LHX2: variants seen among roughly 807,000 people sequenced by gnomAD.
LHX2 encodes the protein LIM/homeobox protein Lhx2.
In LHX2, 6 loss-of-function variants were observed where a neutral mutation model predicts 33.0. That is an observed-to-expected ratio of 0.18 (90% CI 0.10 to 0.36). LHX2 has a LOEUF of 0.36. Among genes scored for constraint, LHX2 ranks in the 10% least tolerant of loss-of-function variants. The probability of loss-of-function intolerance (pLI) is 1.00; values close to 1 mark genes in which losing one functional copy is unlikely to be tolerated. For synonymous variants in LHX2, 292 were observed against 253.1 expected, an observed-to-expected ratio of 1.15 and a Z score of -1.46; for missense variants, 442 against 586.2, an observed-to-expected ratio of 0.75 and a Z score of 2.54.
chr9:124,032,303 T>C lies in LHX2; in HGVS notation c.934-117T>C. ...AATATTGCCAACCTGACTTTTTGGA[T>C]CCTCTTGGCAAAACACAGATCAGCG... On this transcript the variant is annotated intron_variant, in intron 4 of 4. Coordinates refer to ENST00000373615, the MANE Select transcript of LHX2 (RefSeq NM_004789.4). The surrounding 1 kb of genome is among the most constrained non-coding windows in gnomAD (Gnocchi z 4.1). The C allele has an allele frequency of 7.9e-7, 1 of 1,264,940 alleles. No individual in the cohort carries two copies. The highest frequency in any genetic ancestry group is 1.1e-6 in the Non-Finnish European group (1 of 941,760). 78.4% of individuals were successfully genotyped at this position (1,264,940 alleles called of 1,614,324 possible). A position where few individuals can be genotyped will look rare whatever the true frequency, so the allele number is the denominator to read the frequency against.
chr9:124,031,726 C>T lies in LHX2; in HGVS notation c.934-694C>T, dbSNP rs528630838. 3.3e-5 allele frequency: 5 copies of T among 151,586 alleles called. No homozygotes were observed. In the South Asian group the frequency reaches 1.1e-3, roughly 32 times the overall value. 9.4% of individuals were successfully genotyped at this position (151,586 alleles called of 1,614,324 possible). A position where few individuals can be genotyped will look rare whatever the true frequency, so the allele number is the denominator to read the frequency against. On this transcript the variant is annotated intron_variant, in intron 4 of 4. Transcript: ENST00000373615. ...AAAAATTATTGAGATATTCTACCTG[C>T]TTTTTTTTTCATATTCAGCCTTCAG...
intron 4 of LHX2, among the ~76,000 whole-genome samples, chr9:124,025,159 C>T (rs1322100742): frequency 6.6e-6 from 1 of 152,200 alleles, no homozygotes; most frequent in Non-Finnish European, 1.5e-5. Flanking sequence ...TAAGCCTTGG[C>T]CGGGCACTGT....
chr9:124,013,971 C>G lies in LHX2; in HGVS notation c.131C>G (p.Ser44Cys). The G allele has an allele frequency of 6.2e-7, 1 of 1,612,722 alleles. No individual in the cohort carries two copies. The highest frequency in any genetic ancestry group is 8.5e-7 in the Non-Finnish European group (1 of 1,179,812). ...DRGDTETTMP[S>C]ISSDRAALCA... ...TCCCTCCCTTCGCAGACCATGCCGT[C>G]CATCAGCAGTGACCGCGCCGCGCTG... Residue 44 changes from serine (S) to cysteine (C), a missense_variant, in exon 2 of 5, where the codon TCC becomes TGC. By Grantham distance (112) the Ser-to-Cys change is moderately radical (BLOSUM62 -1). This residue lies in a region of LHX2 where 97 missense variants were observed against 81.5 expected (regional missense o/e 1.19). Transcript: ENST00000373615.
rs1372315817 is a variant in LHX2 at position 124,015,384 on chromosome 9, G to A, written c.586G>A (p.Ala196Thr). Residue 196 changes from alanine to threonine, a missense_variant, in exon 3 of 5, where the codon GCC (alanine) becomes ACC (threonine). Coordinates refer to ENST00000373615, the MANE Select transcript of LHX2 (RefSeq NM_004789.4). This position sits in a 1 kb window ranked among gnomAD's most constrained non-coding sequence, Gnocchi z 7.9. ...AGCGGCGGCCGCTGCAGCCGCGGCGGCCAAGAGCGCGGGGCTGGGCGCAGC... is the reference window on the plus strand; with the variant it reads ...AGCGGCGGCCGCTGCAGCCGCGGCGACCAAGAGCGCGGGGCTGGGCGCAGC... ...VAAAAAAAAA[A>T]KSAGLGAAGA... The A allele has an allele frequency of 3.1e-6, 5 of 1,609,554 alleles. No individual in the cohort carries two copies. Among genetic ancestry groups the A allele is most frequent in the Non-Finnish European group, 4.2e-6 (5 of 1,177,784 alleles).
At position 124,015,575 on chromosome 9, in the gene LHX2, C is replaced by A. The variant is rs1387304084; in HGVS notation, c.727+50C>A. The A allele has an allele frequency of 7.0e-6, 10 of 1,431,824 alleles. No homozygotes were observed. The highest frequency in any genetic ancestry group is 8.3e-6 in the Non-Finnish European group (9 of 1,085,824). 88.7% of individuals were successfully genotyped at this position (1,431,824 alleles called of 1,614,324 possible). A position where few individuals can be genotyped will look rare whatever the true frequency, so the allele number is the denominator to read the frequency against. ...CCCCATAGGGTTGGGGGAAAGTGTG[C>A]GGCCTCGACGGCCGGGAGCTGGATT... On this transcript the variant is annotated intron_variant, in intron 3 of 4. Transcript: ENST00000373615. The surrounding 1 kb of genome is among the most constrained non-coding windows in gnomAD (Gnocchi z 7.9).
intron 4 of LHX2, among the ~76,000 whole-genome samples, chr9:124,029,277 C>A (rs1461114648): frequency 6.6e-6 from 1 of 152,130 alleles, no homozygotes; most frequent in Non-Finnish European, 1.5e-5. Context: ...ACATGTCAGC[C>A]ATTCCTATGA....
At chr9:124,030,379 C>T (rs1353343203) in intron 4 of LHX2, among the ~76,000 whole-genome samples, 22 of 152,136 alleles carry the variant, frequency 1.4e-4, no homozygotes, top group Admixed American at 1.4e-3. Context: ...TGCAGAGTGC[C>T]CTGAGGCCCT....
At chr9:124,029,846 A>C (rs1828684245) in intron 4 of LHX2, among the ~76,000 whole-genome samples, 1 of 152,200 alleles carries the variant, frequency 6.6e-6, no homozygotes, top group Non-Finnish European at 1.5e-5. Flanking sequence ...CCCAATCTGC[A>C]TGACTTTGGG....
intron 4 of LHX2, among the ~76,000 whole-genome samples, chr9:124,029,997 G>A (rs1828686196): frequency 6.6e-6 from 1 of 152,212 alleles, no homozygotes; most frequent in Non-Finnish European, 1.5e-5. Context: ...AGCATGTCAA[G>A]GGTGGTCTGA....
At chr9:124,026,354 A>G (rs934647199) in intron 4 of LHX2, among the ~76,000 whole-genome samples, 2 of 151,350 alleles carry the variant, frequency 1.3e-5, no homozygotes, top group African/African-American at 2.4e-5. Flanking sequence ...GCTACTTGGG[A>G]GGCTGAGGCA....
Position 124,015,027 on chromosome 9 carries a change from G to A in LHX2, c.324-95G>A. The A allele has an allele frequency of 6.9e-7, 1 of 1,442,244 alleles. No individual in the cohort carries two copies. The highest frequency in any genetic ancestry group is 9.5e-7 in the Non-Finnish European group (1 of 1,055,444). 89.3% of individuals were successfully genotyped at this position (1,442,244 alleles called of 1,614,324 possible). On this transcript the variant is annotated intron_variant, in intron 2 of 4. Coordinates refer to ENST00000373615, the MANE Select transcript of LHX2 (RefSeq NM_004789.4). The surrounding 1 kb of genome is among the most constrained non-coding windows in gnomAD (Gnocchi z 7.9). ...GGCCGGGTTGTTCGTCTTGAGGAGGGGATTGCCCCCCGCAGCAGCAGCGGC... is the reference window on the plus strand; with the variant it reads ...GGCCGGGTTGTTCGTCTTGAGGAGGAGATTGCCCCCCGCAGCAGCAGCGGC...
At position 124,033,198 on chromosome 9, in the gene LHX2, CCCT is replaced by C. The variant is rs1828723851; in HGVS notation, c.*494_*496del. Reference sequence around the variant, plus strand: ...AAAAAAAAAAAGGAAAAATCAAACCCCCTCCAACGGTCGCTTTGTTGTTTTAGA... The same window carrying C: ...AAAAAAAAAAAGGAAAAATCAAACCCCCAACGGTCGCTTTGTTGTTTTAGA... On this transcript the variant is annotated 3_prime_UTR_variant, in exon 5 of 5. Transcript: ENST00000373615. 1 of 152,136 alleles carries C rather than the reference CCCT, an allele frequency of 6.6e-6. No homozygotes were observed. The highest frequency in any genetic ancestry group is 2.4e-5 in the African/African-American group (1 of 41,312). 9.4% of individuals were successfully genotyped at this position (152,136 alleles called of 1,614,324 possible). A position where few individuals can be genotyped will look rare whatever the true frequency, so the allele number is the denominator to read the frequency against.
chr9:124,021,381 C>A, intron 4 of LHX2, 77 bp downstream of exon 4: 3 of 1,312,574 alleles, frequency 2.3e-6, no homozygotes, highest in Non-Finnish European at 3.2e-6. Context: ...CGCCGTGGGC[C>A]TTGGAAGGAC....
chr9:124,031,606 AAG>A (rs1180996962), intron 4 of LHX2: 1 of 152,250 alleles, frequency 6.6e-6, no homozygotes, highest in African/African-American at 2.4e-5. Flanking sequence ...TGAAGAAATG[AAG>A]AGAGACAAGT....
In LHX2 at chr9:124,032,365, G is replaced by GA; in HGVS notation, c.934-55_934-54insA. On this transcript the variant is annotated intron_variant, in intron 4 of 4. Transcript: ENST00000373615. This position sits in a 1 kb window ranked among gnomAD's most constrained non-coding sequence, Gnocchi z 4.1. ...AGCAGAGCTCTGAGTGAAGCAGTCG[G>GA]GGGGATGCTCTGCCTGCCTTCCGCT... 6.6e-7 allele frequency: 1 copy of GA among 1,526,248 alleles called. No individual in the cohort carries two copies. 94.5% of individuals were successfully genotyped at this position (1,526,248 alleles called of 1,614,324 possible). A position where few individuals can be genotyped will look rare whatever the true frequency, so the allele number is the denominator to read the frequency against.
At chr9:124,030,940 A>G (rs1828697000) in intron 4 of LHX2, among the ~76,000 whole-genome samples, 1 of 151,908 alleles carries the variant, frequency 6.6e-6, no homozygotes, top group South Asian at 2.1e-4. Context: ...TCCTTAGATG[A>G]ATTTCTGTGT....
intron 4 of LHX2, among the ~76,000 whole-genome samples, chr9:124,023,915 C>A (rs973944858): frequency 1.3e-5 from 2 of 152,178 alleles, no homozygotes; most frequent in East Asian, 1.9e-4. Flanking sequence ...GAGGAAGGAC[C>A]AACCATGCTG....
intron 4 of LHX2, among the ~76,000 whole-genome samples, chr9:124,030,498 C>T (rs115457351): frequency 4.3e-4 from 65 of 152,272 alleles, no homozygotes; most frequent in African/African-American, 1.5e-3. Flanking sequence ...CCCAGAGTGG[C>T]CTGGATTTCC....
rs1030383387 is a variant in LHX2 at position 124,012,832 on chromosome 9, G to A, written c.120+364G>A. On this transcript the variant is annotated intron_variant, in intron 1 of 4. Transcript: ENST00000373615. The surrounding 1 kb of genome is among the most constrained non-coding windows in gnomAD (Gnocchi z 4.3). ...CGGCTCCGGTTGCTGGCGGCGCCGC[G>A]AGCGGCGCCAGGGAAGGGCGAACCA... is the stretch of plus-strand genomic sequence containing the variant. 1.3e-5 allele frequency among the ~76,000 whole-genome samples: 2 copies of A among 152,208 alleles called. No homozygotes were observed. The highest frequency in any genetic ancestry group is 2.9e-5 in the Non-Finnish European group (2 of 68,028).
Sources: allele counts gnomAD v4.1 joint callset (sites outside exome capture counted in the v4.1 genomes callset), GRCh38; gene constraint gnomAD v4.1.1; regional missense constraint gnomAD v4.1.1; non-coding constraint Gnocchi (gnomAD v3.1); transcripts MANE v1.5; gene names NCBI Gene and HGNC (gene_info 2026-07-23, HGNC 2026-07-21).